Variants in SLFN14 observed in about 807,000 individuals in gnomAD.
SLFN14 encodes schlafen family member 14.
A neutral mutation model predicts 58.6 loss-of-function variants in SLFN14; 47 were observed. The observed-to-expected ratio is 0.80, with a 90% CI of 0.64 to 1.02. The LOEUF is 1.02. Among genes scored for constraint, SLFN14 ranks in the 50% least tolerant of loss-of-function variants. SLFN14 has a pLI of 0.00. For missense variants in SLFN14, 967 were observed against 1,078.4 expected, an observed-to-expected ratio of 0.90 and a Z score of 1.45; for synonymous variants, 390 against 387.3, an observed-to-expected ratio of 1.01 and a Z score of -0.08.
At chr17:35,558,785 A>G (rs781669932) in intron 2 of SLFN14, among the ~76,000 whole-genome samples, 1 of 152,206 alleles carries the variant, frequency 6.6e-6, no homozygotes, top group African/African-American at 2.4e-5. Context: ...AAGGTATTGG[A>G]GAATATGCAG....
chr17:35,553,110 G>A lies in SLFN14; in HGVS notation c.1524C>T (p.Ile508=). 3 of 1,551,646 alleles carry A rather than the reference G, an allele frequency of 1.9e-6. No individual in the cohort carries two copies. Among genetic ancestry groups the A allele is most frequent in the Non-Finnish European group, 2.6e-6 (3 of 1,146,986 alleles). Residue 508 remains isoleucine (I), a synonymous_variant, in exon 5 of 6, where the codon ATC becomes ATT. Coordinates refer to ENST00000674182, the MANE Select transcript of SLFN14 (RefSeq NM_001129820.2). ...TVGGYTGKVC[I]IPRLIHLSST... ...TGCTCAGGTGTATCAGCCTTGGAAT[G>A]ATGCACACTTTCCCTGTGTAACCAC...
intron 5 of SLFN14, among the ~76,000 whole-genome samples, chr17:35,552,226 A>G (rs1301712912): frequency 1.3e-5 from 2 of 152,136 alleles, no homozygotes; most frequent in Admixed American, 1.3e-4. Flanking sequence ...TGGTCGGCCA[A>G]CTTCCCCAAT....
rs73992851 is a variant in SLFN14 at position 35,547,109 on chromosome 17, T to C, written c.*1130A>G. 0.012 allele frequency among the ~76,000 whole-genome samples: 1,889 copies of C among 152,180 alleles called. 47 individuals are homozygous for C. The highest frequency in any genetic ancestry group is 0.044 in the African/African-American group (1,815 of 41,498). On this transcript the variant is annotated 3_prime_UTR_variant, in exon 6 of 6. Coordinates refer to ENST00000674182, the MANE Select transcript of SLFN14 (RefSeq NM_001129820.2). ...GATAAATGTAGGCAAAATTTGTATA[T>C]GTTGGGGGCAGTAAGGAGAGGGTTG...
chr17:35,550,279 C>T (rs1036887022), intron 5 of SLFN14, among the ~76,000 whole-genome samples: 1 of 152,254 alleles, frequency 6.6e-6, no homozygotes, highest in African/African-American at 2.4e-5. Flanking sequence ...GGTGCAGTGG[C>T]TCACGCCTGT....
chr17:35,556,164 T>A (rs1032270738), intron 3 of SLFN14, among the ~76,000 whole-genome samples: 2 of 151,890 alleles, frequency 1.3e-5, no homozygotes, highest in Admixed American at 6.6e-5. Flanking sequence ...CAGCCTCCCA[T>A]GTAGCTGGGA....
At chr17:35,555,923 A>C (rs1459493832) in intron 3 of SLFN14, among the ~76,000 whole-genome samples, 1 of 152,184 alleles carries the variant, frequency 6.6e-6, no homozygotes, top group Non-Finnish European at 1.5e-5. Context: ...CCCTAAGCCC[A>C]GTGGCTTAAG....
chr17:35,557,309 T>G lies in SLFN14; in HGVS notation c.754A>C (p.Lys252Gln). The change falls in exon 3 of 6, where the codon AAA (lysine) becomes CAA (glutamine). Residue 252 changes from lysine (K) to glutamine (Q), a missense_variant. Lys to Gln is a moderately conservative substitution (Grantham distance 53). Transcript: ENST00000674182. ...YVLIGVDDKS[K>Q]EVVGCKWEKV... Reference sequence around the variant, plus strand: ...TCCCACTTACATCCAACCACTTCTTTGCTCTTATCATCCACCCCAATGAGG... The same window carrying G: ...TCCCACTTACATCCAACCACTTCTTGGCTCTTATCATCCACCCCAATGAGG... The G allele has an allele frequency of 1.3e-6, 2 of 1,551,754 alleles. No individual in the cohort carries two copies. Among genetic ancestry groups the G allele is most frequent in the Non-Finnish European group, 1.7e-6 (2 of 1,146,994 alleles).
At position 35,557,489 on chromosome 17, in the gene SLFN14, T is replaced by A. The variant is rs2072664088; in HGVS notation, c.574A>T (p.Lys192Ter). Residue 192 changes from lysine (K) to a stop codon, truncating the protein, a stop_gained, in exon 3 of 6, where the codon AAA (lysine) becomes TAA (stop). Coordinates refer to ENST00000674182, the MANE Select transcript of SLFN14 (RefSeq NM_001129820.2). LOFTEE classifies it high-confidence loss of function. ...DMRILASEFF[K>*]KDKLMYKEKL... ...TCCTTATACATGAGTTTGTCCTTTT[T>A]AAAAAATTCTGAGGCCAATATCCTC... is the stretch of plus-strand genomic sequence containing the variant. The A allele has an allele frequency of 6.4e-7, 1 of 1,551,682 alleles. No individual in the cohort carries two copies. Among genetic ancestry groups the A allele is most frequent in the Non-Finnish European group, 8.7e-7 (1 of 1,146,982 alleles).
intron 4 of SLFN14, 174 bp from the exon 5 acceptor site, chr17:35,553,618 C>A: frequency 1.7e-6 from 1 of 600,872 alleles, no homozygotes; most frequent in Non-Finnish European, 2.8e-6. Context: ...CCCATCCCCA[C>A]GGACATTTGG....
chr17:35,552,659 T>C lies in SLFN14; in HGVS notation c.1904+71A>G, dbSNP rs9892623. On this transcript the variant is annotated intron_variant, in intron 5 of 5. Coordinates refer to ENST00000674182, the MANE Select transcript of SLFN14 (RefSeq NM_001129820.2). ...ATACATATATATATACACATATATA[T>C]ACACATATATATACACATATATATA... is the stretch of plus-strand genomic sequence containing the variant. 8.3e-5 allele frequency: 43 copies of C among 516,248 alleles called. 1 individual carries two copies. Among genetic ancestry groups the C allele is most frequent in the Middle Eastern group, 5.3e-4 (1 of 1,892 alleles). 32.0% of individuals were successfully genotyped at this position (516,248 alleles called of 1,614,324 possible).
chr17:35,550,995 G>T lies in SLFN14; in HGVS notation c.1904+1735C>A, dbSNP rs1365059799. Among the ~76,000 whole-genome samples, 7 of 152,086 alleles carry T rather than the reference G, an allele frequency of 4.6e-5. No individual in the cohort carries two copies. The South Asian group carries it at 6.2e-4, about 14-fold the overall frequency. On this transcript the variant is annotated intron_variant, in intron 5 of 5. Coordinates refer to ENST00000674182, the MANE Select transcript of SLFN14 (RefSeq NM_001129820.2). ...CAGAAAGTATACTTAAAGCAGAATG[G>T]GTTCATTTCTACTTCTCTTAAATGT...
intron 2 of SLFN14, among the ~76,000 whole-genome samples, chr17:35,559,352 C>G (rs1262532452): frequency 2.0e-5 from 3 of 152,188 alleles, no homozygotes; most frequent in Non-Finnish European, 4.4e-5. Flanking sequence ...ACCTTTTCAA[C>G]TCTTCACATG....
Position 35,545,322 on chromosome 17 carries a change from G to A in SLFN14, c.*2917C>T, listed in dbSNP as rs1390435882. 6.6e-6 allele frequency among the ~76,000 whole-genome samples: 1 copy of A among 152,138 alleles called. No individual in the cohort carries two copies. Among genetic ancestry groups the A allele is most frequent in the Non-Finnish European group, 1.5e-5 (1 of 68,032 alleles). Reference sequence around the variant, plus strand: ...TTACTGAGCACCTGCCCTGTGTGAGGCACTGTACTAGTTGCTCTAGGGGAA... The same window carrying A: ...TTACTGAGCACCTGCCCTGTGTGAGACACTGTACTAGTTGCTCTAGGGGAA... On this transcript the variant is annotated 3_prime_UTR_variant, in exon 6 of 6. Coordinates refer to ENST00000674182, the MANE Select transcript of SLFN14 (RefSeq NM_001129820.2).
At chr17:35,550,636 A>G (rs1050864467) in intron 5 of SLFN14, among the ~76,000 whole-genome samples, 41 of 152,200 alleles carry the variant, frequency 2.7e-4, no homozygotes, top group African/African-American at 9.4e-4. Context: ...AAGGTCTTCA[A>G]TATGTTTTCT....
At position 35,560,747 on chromosome 17, in the gene SLFN14, A is replaced by AT. The variant is rs200456765; in HGVS notation, c.-124+19dup. 0.58 allele frequency among the ~76,000 whole-genome samples: 82,064 copies of AT among 142,428 alleles called. 23,517 individuals carry two copies. Among genetic ancestry groups the AT allele is most frequent in the African/African-American group, 0.63 (24,025 of 38,106 alleles). The allele number at this position is 142,428 out of a possible 152,430, so 93.4% of individuals were successfully genotyped here. A position where few individuals can be genotyped will look rare whatever the true frequency, so the allele number is the denominator to read the frequency against. On this transcript the variant is annotated intron_variant, in intron 1 of 5. Coordinates refer to ENST00000674182, the MANE Select transcript of SLFN14 (RefSeq NM_001129820.2). ...TTAGATAAATGAGATATTTTTAAGA[A>AT]TTTTTTTTTTTTTTTTTACCTATGC... is the stretch of plus-strand genomic sequence containing the variant.
chr17:35,554,672 A>G lies in SLFN14; in HGVS notation c.1093T>C (p.Cys365Arg). The change falls in exon 4 of 6, where the codon TGC becomes CGC. Residue 365 changes from cysteine to arginine, a missense_variant. Coordinates refer to ENST00000674182, the MANE Select transcript of SLFN14 (RefSeq NM_001129820.2). ...GCAGATGAAGCTGATGAAATCAGGC[A>G]AGAGTTGTAGTCTGTGACCAAACTG... ...PPSLVTDYNSCLISSASSARK... is the reference protein window; with the variant it reads ...PPSLVTDYNSRLISSASSARK... 6.7e-7 allele frequency: 1 copy of G among 1,492,964 alleles called. No homozygotes were observed. Among genetic ancestry groups the G allele is most frequent in the Non-Finnish European group, 9.0e-7 (1 of 1,114,520 alleles). The allele number at this position is 1,492,964 out of a possible 1,614,324, so 92.5% of individuals were successfully genotyped here. A position where few individuals can be genotyped will look rare whatever the true frequency, so the allele number is the denominator to read the frequency against.
intron 3 of SLFN14, among the ~76,000 whole-genome samples, chr17:35,556,391 G>T (rs2072652944): frequency 6.6e-6 from 1 of 152,104 alleles, no homozygotes; most frequent in Non-Finnish European, 1.5e-5. Context: ...AATTTTGACT[G>T]GGATGATCAG....
In SLFN14 at chr17:35,549,083, C is replaced by T. The variant is rs572311681; in HGVS notation, c.1905-10G>A. 66 of 1,546,606 alleles carry T rather than the reference C, an allele frequency of 4.3e-5. No homozygotes were observed. The highest frequency in any genetic ancestry group is 1.7e-4 in the Middle Eastern group (1 of 5,962). ...GCAGGTGGTTTGTTGGCTGTAAGGA[C>T]GGAAAAAACAGGGCTTGAGGCATAT... On this transcript the variant is annotated splice_polypyrimidine_tract_variant and intron_variant, in intron 5 of 5. Transcript: ENST00000674182.
chr17:35,554,960 C>T (rs1419865548), intron 3 of SLFN14, among the ~76,000 whole-genome samples: 1 of 152,058 alleles, frequency 6.6e-6, no homozygotes, highest in Non-Finnish European at 1.5e-5. Flanking sequence ...CTCTCTCTCA[C>T]GCTGGAGTGA....
Sources: allele counts gnomAD v4.1 joint callset (sites outside exome capture counted in the v4.1 genomes callset), GRCh38; gene constraint gnomAD v4.1.1; transcripts MANE v1.5; gene names NCBI Gene and HGNC (gene_info 2026-07-23, HGNC 2026-07-21).